Variants in AP1G1 observed in about 807,000 individuals in gnomAD.
AP1G1 encodes AP-1 complex subunit gamma-1.
A neutral mutation model predicts 108.3 loss-of-function variants in AP1G1; 7 were observed. The ratio of observed to expected loss-of-function variants is 0.06; its 90% CI spans 0.04 to 0.12. The LOEUF (loss-of-function observed/expected upper bound fraction) is 0.12. AP1G1 is among the 10% of genes least tolerant of loss of function. The pLI is 1.00. For missense variants in AP1G1, 756 were observed against 1,010.7 expected, an observed-to-expected ratio of 0.75 and a Z score of 3.42; for synonymous variants, 379 against 353.5, an observed-to-expected ratio of 1.07 and a Z score of -0.81.
intron 1 of AP1G1, chr16:71,806,604 G>T: frequency 1.2e-6 from 1 of 856,902 alleles, no homozygotes. Flanking sequence ...TAACATCTAT[G>T]TGATAGCTCT....
chr16:71,745,410 A>G (rs1222600945), intron 18 of AP1G1, 63 bp downstream of exon 18: 5 of 1,611,430 alleles, frequency 3.1e-6, no homozygotes, highest in Non-Finnish European at 4.2e-6. Flanking sequence ...CAGCTAAGAG[A>G]CAAGCTGTAA....
chr16:71,740,574 A>G (rs1293666537), intron 19 of AP1G1, among the ~76,000 whole-genome samples: 3 of 152,240 alleles, frequency 2.0e-5, no homozygotes, highest in Non-Finnish European at 4.4e-5. Context: ...ACAACAGTAA[A>G]AAGTGAATTC....
intron 6 of AP1G1, chr16:71,767,944 A>AG: frequency 6.4e-7 from 1 of 1,556,816 alleles, no homozygotes; most frequent in Non-Finnish European, 8.8e-7. Context: ...AGCAAGCATT[A>AG]GGGACAGATA....
At chr16:71,769,981 A>C (rs1345984333) in intron 5 of AP1G1, among the ~76,000 whole-genome samples, 5 of 152,228 alleles carry the variant, frequency 3.3e-5, no homozygotes, top group African/African-American at 7.2e-5. Context: ...CCATCTGAGA[A>C]TATCCATAAA....
At chr16:71,777,444 G>C (rs2031832595) in intron 2 of AP1G1, among the ~76,000 whole-genome samples, 1 of 152,112 alleles carries the variant, frequency 6.6e-6, no homozygotes, top group South Asian at 2.1e-4. Flanking sequence ...CAGTGTCTGG[G>C]AGAGGTGGAA....
rs2045470853 is a variant in AP1G1, at chr16:71,731,091, T to C, written c.*1967A>G. 6.6e-6 allele frequency: 1 copy of C among 152,612 alleles called. No individual in the cohort carries two copies. Among genetic ancestry groups the C allele is most frequent in the Admixed American group, 6.5e-5 (1 of 15,286 alleles). The allele number at this position is 152,612 out of a possible 1,614,324, so 9.5% of individuals were successfully genotyped here. On this transcript the variant is annotated 3_prime_UTR_variant, in exon 23 of 23. Coordinates refer to ENST00000299980, the MANE Select transcript of AP1G1 (RefSeq NM_001128.6). ...CTATCATGTTTCACAGCATTAAGTA[T>C]CCATCCAATGAAATCAGTCTGCAAA...
rs117964026 is a variant in AP1G1 at position 71,761,375 on chromosome 16, A to G, written c.974+137T>C. ...AAGTTCTTCACAAAACAGTGTTTTA[A>G]GACCAGAAAAACATAAAAATTCTGA... On this transcript the variant is annotated intron_variant, in intron 10 of 22. Transcript: ENST00000299980. The G allele has an allele frequency of 2.0e-4, 139 of 702,134 alleles. No homozygotes were observed. In the East Asian group the frequency reaches 3.3e-3, roughly 16 times the overall value. 43.5% of individuals were successfully genotyped at this position (702,134 alleles called of 1,614,324 possible). A position where few individuals can be genotyped will look rare whatever the true frequency, so the allele number is the denominator to read the frequency against.
chr16:71,753,635 C>T lies in AP1G1; in HGVS notation c.1284+198G>A, dbSNP rs1192042285. 8.5e-6 allele frequency: 5 copies of T among 589,020 alleles called. No individual in the cohort carries two copies. The East Asian group carries it at 1.5e-4, about 17-fold the overall frequency. The allele number at this position is 589,020 out of a possible 1,614,324, so 36.5% of individuals were successfully genotyped here. A position where few individuals can be genotyped will look rare whatever the true frequency, so the allele number is the denominator to read the frequency against. On this transcript the variant is annotated intron_variant, in intron 13 of 22. Transcript: ENST00000299980. ...AATCTAAAACACTTGGCCAGTTGCC[C>T]TATATCCCACCTTATCCTGCCATCA...
chr16:71,745,392 A>C, intron 18 of AP1G1, 81 bp downstream of exon 18: 2 of 1,607,128 alleles, frequency 1.2e-6, no homozygotes, highest in Non-Finnish European at 1.7e-6. Context: ...AGGAACATTA[A>C]AGGGACTCAG....
At chr16:71,765,710 T>C in intron 6 of AP1G1, 126 bp from the exon 7 acceptor site, 1 of 689,780 alleles carries the variant, frequency 1.4e-6, no homozygotes, top group Non-Finnish European at 2.6e-6. Context: ...TGATTTAATA[T>C]ACTAGTGTAT....
intron 1 of AP1G1, chr16:71,808,027 G>T (rs2033055883): frequency 8.3e-7 from 1 of 1,200,664 alleles, no homozygotes; most frequent in Non-Finnish European, 1.1e-6. Flanking sequence ...TGAGCGAGTG[G>T]TTCGATGGAT....
At chr16:71,767,833 A>G in intron 6 of AP1G1, 1 of 1,586,168 alleles carries the variant, frequency 6.3e-7, no homozygotes, top group East Asian at 2.2e-5. Context: ...GCTACTAAGG[A>G]CCTAATGCCA....
intron 6 of AP1G1, chr16:71,767,919 G>C (rs751360870): frequency 6.3e-7 from 1 of 1,596,784 alleles, no homozygotes; most frequent in East Asian, 2.2e-5. Context: ...CAGACAACAG[G>C]AACAAAACAT....
At chr16:71,745,326 C>G in intron 18 of AP1G1, 56 bp from the exon 19 acceptor site, 1 of 1,605,758 alleles carries the variant, frequency 6.2e-7, no homozygotes, top group Non-Finnish European at 8.5e-7. Flanking sequence ...TAGTATACAT[C>G]TAATGCAAAG....
chr16:71,767,551 A>G (rs2031365948), intron 6 of AP1G1, among the ~76,000 whole-genome samples: 2 of 152,240 alleles, frequency 1.3e-5, no homozygotes, highest in South Asian at 2.1e-4. Flanking sequence ...TCAAAGCTCC[A>G]GACTAATCTG....
chr16:71,780,288 A>G (rs1462965698), intron 2 of AP1G1, among the ~76,000 whole-genome samples: 1 of 152,002 alleles, frequency 6.6e-6, no homozygotes, highest in African/African-American at 2.4e-5. Context: ...CGCGCCGGCC[A>G]AAAGTTTCTT....
At position 71,795,572 on chromosome 16, in the gene AP1G1, T is replaced by C. The variant is rs573071125; in HGVS notation, c.-3-6090A>G. On this transcript the variant is annotated intron_variant, in intron 1 of 22. Coordinates refer to ENST00000299980, the MANE Select transcript of AP1G1 (RefSeq NM_001128.6). ...GCCTATATTTTTATATTATGGGCCA[T>C]ACAGAACCCCTATTTCAGATTTTTA... is the stretch of plus-strand genomic sequence containing the variant. 5.9e-5 allele frequency among the ~76,000 whole-genome samples: 9 copies of C among 152,350 alleles called. No individual in the cohort carries two copies. In the South Asian group the frequency reaches 1.9e-3, roughly 32 times the overall value.
intron 1 of AP1G1, among the ~76,000 whole-genome samples, chr16:71,803,095 GTCC>G (rs1464246772): frequency 3.3e-4 from 50 of 151,578 alleles, no homozygotes; most frequent in Middle Eastern, 3.4e-3. Context: ...CACGCCTGCA[GTCC>G]CAGCTACTCG....
rs182001304 is a variant in AP1G1, at chr16:71,771,461, G to C, written c.469-209C>G. ...GCACTTTGGGAGCCCCAAGGCAGGA[G>C]AATCACTTGAGCCCAGGAGTTTGAG... On this transcript the variant is annotated intron_variant, in intron 4 of 22. Transcript: ENST00000299980. 2.5e-3 allele frequency among the ~76,000 whole-genome samples: 377 copies of C among 152,248 alleles called. 1 individual carries two copies. The highest frequency in any genetic ancestry group is 0.024 in the Middle Eastern group (7 of 294).
Sources: gnomAD v4.1 joint callset for allele counts (sites outside exome capture counted in the v4.1 genomes callset) on GRCh38, gnomAD v4.1.1 for gene constraint, MANE v1.5 for transcripts, NCBI Gene and HGNC (gene_info 2026-07-23, HGNC 2026-07-21) for gene names.